Variants in SH3YL1 observed in about 807,000 individuals in gnomAD.
SH3YL1 encodes the protein SH3 and SYLF domain containing 1, also known as SH3 domain-containing YSC84-like protein 1.
Under a neutral mutation model 45.8 loss-of-function variants are expected in SH3YL1, and 41 were observed. That is an observed-to-expected ratio of 0.89 (90% CI 0.70 to 1.16). The LOEUF is 1.16. SH3YL1 is among the 50% of genes most tolerant of loss of function. The pLI is 0.00. For synonymous variants in SH3YL1, 152 were observed against 151.4 expected, an observed-to-expected ratio of 1.00 and a Z score of -0.03; for missense variants, 389 against 409.6, an observed-to-expected ratio of 0.95 and a Z score of 0.43.
chr2:242,617 T>C (rs1340450111), intron 4 of SH3YL1, among the ~76,000 whole-genome samples: 2 of 151,998 alleles, frequency 1.3e-5, no homozygotes, highest in South Asian at 2.1e-4. Flanking sequence ...GCATGAGATA[T>C]AGAAAAAAGT....
At chr2:219,118 G>A (rs1217850734) in intron 9 of SH3YL1, 117 bp from the exon 10 acceptor site, 11 of 671,252 alleles carry the variant, frequency 1.6e-5, no homozygotes, top group Non-Finnish European at 2.4e-5. Flanking sequence ...TTGGAGGCTG[G>A]CAGAAACCAC....
At chr2:263,757 G>A (rs1018772444) in intron 1 of SH3YL1, 6 of 474,432 alleles carry the variant, frequency 1.3e-5, no homozygotes, top group Non-Finnish European at 1.9e-5. Flanking sequence ...CTTCGGAATA[G>A]CTTTTCTAAA....
At chr2:232,359 G>GT (rs1343101536) in intron 6 of SH3YL1, among the ~76,000 whole-genome samples, 1 of 151,946 alleles carries the variant, frequency 6.6e-6, no homozygotes, top group East Asian at 1.9e-4. Context: ...CACATGAGTT[G>GT]TAACTGGTGT....
chr2:233,310 G>A, intron 5 of SH3YL1, 81 bp from the exon 6 acceptor site: 4 of 1,315,904 alleles, frequency 3.0e-6, no homozygotes, highest in Admixed American at 6.1e-5. Context: ...ACTCCTTCTA[G>A]CTCAAATGAA....
intron 1 of SH3YL1, chr2:259,505 AAC>A (rs1180395589): frequency 3.9e-5 from 6 of 152,042 alleles, no homozygotes; most frequent in Non-Finnish European, 7.4e-5. Context: ...CTTTTAATAA[AAC>A]ACAGTAATTT....
chr2:253,963 A>G (rs1205308485), intron 1 of SH3YL1, among the ~76,000 whole-genome samples: 3 of 152,192 alleles, frequency 2.0e-5, no homozygotes, highest in Non-Finnish European at 4.4e-5. Flanking sequence ...CATCTCAGAA[A>G]TTATAAAATC....
At chr2:235,667 C>T (rs371442377) in intron 4 of SH3YL1, among the ~76,000 whole-genome samples, 1,317 of 18,116 alleles carry the variant, frequency 0.073, no homozygotes, top group Non-Finnish European at 0.083. Flanking sequence ...GGCAGCAGCA[C>T]GGGCCAGGGG....
At chr2:231,820 C>T (rs1224032890) in intron 6 of SH3YL1, among the ~76,000 whole-genome samples, 1 of 152,148 alleles carries the variant, frequency 6.6e-6, no homozygotes, top group Non-Finnish European at 1.5e-5. Flanking sequence ...TAACACATCA[C>T]TTTTGATTTT....
intron 4 of SH3YL1, among the ~76,000 whole-genome samples, chr2:242,619 GA>G (rs1295855066): frequency 6.6e-6 from 1 of 151,982 alleles, no homozygotes; most frequent in Admixed American, 6.6e-5. Flanking sequence ...ATGAGATATA[GA>G]AAAAAGTAAA....
intron 1 of SH3YL1, among the ~76,000 whole-genome samples, chr2:261,612 T>G (rs1413357690): frequency 6.6e-6 from 1 of 152,168 alleles, no homozygotes; most frequent in Non-Finnish European, 1.5e-5. Context: ...TGGAAATAAT[T>G]TTAGGTATTG....
intron 8 of SH3YL1, among the ~76,000 whole-genome samples, chr2:228,200 C>T (rs1667867883): frequency 6.6e-6 from 1 of 152,146 alleles, no homozygotes; most frequent in Admixed American, 6.5e-5. Context: ...GCCAGGCTAA[C>T]CTGTCCACCG....
chr2:218,803 T>C lies in SH3YL1; in HGVS notation c.*8A>G. 1 of 1,599,826 alleles carries C rather than the reference T, an allele frequency of 6.3e-7. No homozygotes were observed. Among genetic ancestry groups the C allele is most frequent in the Non-Finnish European group, 8.5e-7 (1 of 1,171,488 alleles). On this transcript the variant is annotated 3_prime_UTR_variant, in exon 10 of 10. Coordinates refer to ENST00000356150, the MANE Select transcript of SH3YL1 (RefSeq NM_015677.4). ...TTGTAATTCTCAAAGAAGAAAATAG[T>C]ATACGCTTTAATTCATGGTTACGTA...
At position 231,532 on chromosome 2, in the gene SH3YL1, A is replaced by G. The variant is rs147526453; in HGVS notation, c.534-341T>C. Among the ~76,000 whole-genome samples the G allele has an allele frequency of 1.4e-3, 215 of 152,346 alleles. 2 individuals are homozygous for G. Among genetic ancestry groups the G allele is most frequent in the Admixed American group, 8.4e-3 (128 of 15,310 alleles). ...AACACATATAAATATACACACAAGC[A>G]CATACATTTTTATAGGTTTTTACTT... On this transcript the variant is annotated intron_variant, in intron 6 of 9. Transcript: ENST00000356150.
intron 9 of SH3YL1, chr2:222,468 T>A (rs553042776): frequency 1.3e-5 from 2 of 152,380 alleles, no homozygotes; most frequent in East Asian, 3.9e-4. Context: ...AGGCACAAGA[T>A]AGCCCCTACA....
In SH3YL1 at chr2:229,958, A is replaced by C; in HGVS notation, c.781+8T>G. 6.2e-7 allele frequency: 1 copy of C among 1,608,962 alleles called. No homozygotes were observed. The highest frequency in any genetic ancestry group is 8.5e-7 in the Non-Finnish European group (1 of 1,175,810). Reference sequence around the variant, plus strand: ...CAACTGTATTTGAATTGCAACAAAAATATTTACTTTGAGAGCCAGAGTTCA... The same window carrying C: ...CAACTGTATTTGAATTGCAACAAAACTATTTACTTTGAGAGCCAGAGTTCA... On this transcript the variant is annotated splice_region_variant and intron_variant, in intron 8 of 9. Transcript: ENST00000356150.
At chr2:245,824 G>C (rs987837490) in intron 4 of SH3YL1, among the ~76,000 whole-genome samples, 1 of 152,016 alleles carries the variant, frequency 6.6e-6, no homozygotes, top group Non-Finnish European at 1.5e-5. Flanking sequence ...CACCAGTCTT[G>C]AGAATTGTTA....
At chr2:225,825 A>G (rs180801822) in intron 8 of SH3YL1, among the ~76,000 whole-genome samples, 19 of 152,356 alleles carry the variant, frequency 1.2e-4, no homozygotes, top group Admixed American at 5.9e-4. Context: ...TTGGGAACAA[A>G]TTTAACACAA....
intron 4 of SH3YL1, among the ~76,000 whole-genome samples, chr2:243,724 T>C (rs902173635): frequency 1.3e-5 from 2 of 152,234 alleles, no homozygotes; most frequent in Non-Finnish European, 2.9e-5. Context: ...TTGCTCAGTA[T>C]ATCACATGCA....
At chr2:242,717 T>G (rs1350674529) in intron 4 of SH3YL1, 9 of 1,416,596 alleles carry the variant, frequency 6.4e-6, no homozygotes, top group Non-Finnish European at 8.3e-6. Flanking sequence ...ATTATTAGCA[T>G]GGATAAAACA....
Sources: gnomAD v4.1 joint callset for allele counts (sites outside exome capture counted in the v4.1 genomes callset) on GRCh38, gnomAD v4.1.1 for gene constraint, MANE v1.5 for transcripts, NCBI Gene and HGNC (gene_info 2026-07-23, HGNC 2026-07-21) for gene names.